The following PALS2 variants were observed in gnomAD, a reference collection of about 807,000 sequenced individuals.
PALS2 encodes the protein protein PALS2.
PALS2 carries 27 observed loss-of-function variants against 61.6 expected under a neutral mutation model. That is an observed-to-expected ratio of 0.44 (90% CI 0.32 to 0.60). The LOEUF (loss-of-function observed/expected upper bound fraction) is 0.60. Ranked by LOEUF, PALS2 falls within the 20% of genes least tolerant of loss-of-function variation. The probability of loss-of-function intolerance (pLI) is 0.05; values close to 1 mark genes in which losing one functional copy is unlikely to be tolerated. For missense variants in PALS2, 554 were observed against 639.4 expected (o/e 0.87, Z 1.44); for synonymous variants, 236 against 218.6 (o/e 1.08, Z -0.70).
intron 1 of PALS2, among the ~76,000 whole-genome samples, chr7:24,580,185 C>CT (rs1440749280): frequency 6.6e-6 from 1 of 152,048 alleles, no homozygotes; most frequent in Non-Finnish European, 1.5e-5. Flanking sequence ...AGGATAAATA[C>CT]TTTATATTTT....
chr7:24,586,834 A>G (rs1018611421), intron 1 of PALS2, among the ~76,000 whole-genome samples: 1 of 152,156 alleles, frequency 6.6e-6, no homozygotes, highest in Non-Finnish European at 1.5e-5. Flanking sequence ...GGCAGAGGGA[A>G]GGGAGAGTAA....
chr7:24,594,774 A>G (rs1008378902), intron 1 of PALS2, among the ~76,000 whole-genome samples: 4 of 152,118 alleles, frequency 2.6e-5, no homozygotes, highest in African/African-American at 9.7e-5. Context: ...ACCATACATT[A>G]TATGTATCGA....
intron 5 of PALS2, among the ~76,000 whole-genome samples, chr7:24,651,622 G>T (rs1433607948): frequency 6.6e-6 from 1 of 152,136 alleles, no homozygotes; most frequent in Non-Finnish European, 1.5e-5. Flanking sequence ...AAGAAATTGC[G>T]GAGGAAGAAT....
In PALS2 at chr7:24,687,248, T is replaced by G. The variant is rs1400449464; in HGVS notation, c.1447-190T>G. ...ATACTCATAAATGTAAACATGAGTGTTGTTGGAAAGAATAAGACATGAACA... is the reference window on the plus strand; with the variant it reads ...ATACTCATAAATGTAAACATGAGTGGTGTTGGAAAGAATAAGACATGAACA... On this transcript the variant is annotated intron_variant, in intron 11 of 11. Transcript: ENST00000222644. This position sits in a 1 kb window ranked among gnomAD's most constrained non-coding sequence, Gnocchi z 4.5. 5.3e-5 allele frequency among the ~76,000 whole-genome samples: 8 copies of G among 152,200 alleles called. No individual in the cohort carries two copies. The highest frequency in any genetic ancestry group is 1.2e-4 in the Non-Finnish European group (8 of 68,032).
chr7:24,651,745 A>G (rs577900078), intron 5 of PALS2, among the ~76,000 whole-genome samples: 1 of 152,350 alleles, frequency 6.6e-6, no homozygotes, highest in East Asian at 1.9e-4. Context: ...TGTTTGATGT[A>G]TGAATGAAAT....
Position 24,607,919 on chromosome 7 carries a change from GT to G in PALS2, c.-2-15743del, listed in dbSNP as rs2128050719. 1.3e-5 allele frequency among the ~76,000 whole-genome samples: 2 copies of G among 152,180 alleles called. 1 individual carries two copies. The highest frequency in any genetic ancestry group is 4.1e-4 in the South Asian group (2 of 4,820). ...TTGATGTATTCAATTTTGTCTGAAA[GT>G]TTTGTGTAAATTTGTCTAAAAGGCT... On this transcript the variant is annotated intron_variant, in intron 1 of 11. Coordinates refer to ENST00000222644, the MANE Select transcript of PALS2 (RefSeq NM_001303037.2).
rs115720317 is a variant in PALS2 at position 24,652,891 on chromosome 7, G to C, written c.651+2179G>C. 3.6e-3 allele frequency among the ~76,000 whole-genome samples: 541 copies of C among 152,290 alleles called. 6 individuals are homozygous for C. Among genetic ancestry groups the C allele is most frequent in the African/African-American group, 0.012 (514 of 41,562 alleles). On this transcript the variant is annotated intron_variant, in intron 5 of 11. Transcript: ENST00000222644. ...GTTTCAGGTGCTTGGTAAAAGTCCA[G>C]AATCTGCTATGGGACATAAGTATCT...
chr7:24,614,000 T>G (rs897073926), intron 1 of PALS2, among the ~76,000 whole-genome samples: 1 of 151,830 alleles, frequency 6.6e-6, no homozygotes, highest in African/African-American at 2.4e-5. Context: ...TTGGACACTT[T>G]GATTGATTCT....
intron 1 of PALS2, among the ~76,000 whole-genome samples, chr7:24,582,382 G>A (rs1782879139): frequency 6.6e-6 from 1 of 151,738 alleles, no homozygotes; most frequent in Admixed American, 6.6e-5. Flanking sequence ...GATATGGTGA[G>A]GGCTAATGTC....
chr7:24,643,416 AT>A (rs1785666394), intron 3 of PALS2, among the ~76,000 whole-genome samples: 1 of 152,160 alleles, frequency 6.6e-6, no homozygotes, highest in African/African-American at 2.4e-5. Context: ...ATATTCATCC[AT>A]ATTTTTCTAT....
intron 1 of PALS2, among the ~76,000 whole-genome samples, chr7:24,605,999 C>A (rs984067881): frequency 6.6e-6 from 1 of 152,090 alleles, no homozygotes; most frequent in African/African-American, 2.4e-5. Context: ...CAAAGATGAT[C>A]TCCTTATATA....
intron 1 of PALS2, chr7:24,589,392 G>A (rs917413439): frequency 3.3e-5 from 5 of 152,134 alleles, no homozygotes; most frequent in African/African-American, 1.2e-4. Flanking sequence ...CCTTTCTTGG[G>A]CTTTTTGTCA....
chr7:24,643,478 CTG>C (rs1289709308), intron 3 of PALS2, among the ~76,000 whole-genome samples: 4 of 152,066 alleles, frequency 2.6e-5, no homozygotes, highest in African/African-American at 9.7e-5. Flanking sequence ...TTTGCACAAA[CTG>C]TTTTAACTTA....
chr7:24,618,107 C>A lies in PALS2; in HGVS notation c.-2-5559C>A, dbSNP rs533585825. 1.8e-4 allele frequency among the ~76,000 whole-genome samples: 28 copies of A among 152,260 alleles called. 2 individuals are homozygous for A. In the South Asian group the frequency reaches 5.6e-3, roughly 30 times the overall value. On this transcript the variant is annotated intron_variant, in intron 1 of 11. Coordinates refer to ENST00000222644, the MANE Select transcript of PALS2 (RefSeq NM_001303037.2). This position sits in a 1 kb window ranked among gnomAD's most constrained non-coding sequence, Gnocchi z 5.1. The stretch of plus-strand genomic sequence containing the variant: ...CAAGGACATCTTCACCAGAGGCTAG[C>A]CTGCCAGGCTGTTTTTCAGGCTCAG...
At chr7:24,628,596 C>G (rs940304965) in intron 2 of PALS2, among the ~76,000 whole-genome samples, 4 of 152,144 alleles carry the variant, frequency 2.6e-5, no homozygotes, top group African/African-American at 7.2e-5. Context: ...TAGAAAACCC[C>G]ATTGTCTCAG....
rs1583946688 is a variant in PALS2 at position 24,650,417 on chromosome 7, T to G, written c.424-68T>G. ...CTAGTTTTAGAATTATTTTCTTACA[T>G]ATGCTCATGAATATTTAAGCATTTC... On this transcript the variant is annotated intron_variant, in intron 4 of 11. Transcript: ENST00000222644. 14 of 1,243,116 alleles carry G rather than the reference T, an allele frequency of 1.1e-5. No individual in the cohort carries two copies. In the East Asian group the frequency reaches 3.4e-4, roughly 30 times the overall value. The allele number at this position is 1,243,116 out of a possible 1,614,324, so 77.0% of individuals were successfully genotyped here.
At chr7:24,627,700 G>A (rs2529089) in intron 2 of PALS2, among the ~76,000 whole-genome samples, 76,975 of 151,998 alleles carry the variant, frequency 0.51, 23,185 homozygotes, top group African/African-American at 0.83. Flanking sequence ...CACTGATCCC[G>A]CAGAAATATA....
At chr7:24,594,257 G>A (rs1783416641) in intron 1 of PALS2, among the ~76,000 whole-genome samples, 1 of 152,048 alleles carries the variant, frequency 6.6e-6, no homozygotes, top group South Asian at 2.1e-4. Context: ...TTAGGCTTTG[G>A]TTTAAGAGAA....
Position 24,687,359 on chromosome 7 carries a change from T to C in PALS2, c.1447-79T>C. On this transcript the variant is annotated intron_variant, in intron 11 of 11. Coordinates refer to ENST00000222644, the MANE Select transcript of PALS2 (RefSeq NM_001303037.2). This position sits in a 1 kb window ranked among gnomAD's most constrained non-coding sequence, Gnocchi z 4.5. ...CCAGAAATATATCTAACCTATTTATTATATTCACTTCTAGTTGGAGTTTGA... is the reference window on the plus strand; with the variant it reads ...CCAGAAATATATCTAACCTATTTATCATATTCACTTCTAGTTGGAGTTTGA... 1 of 1,063,324 alleles carries C rather than the reference T, an allele frequency of 9.4e-7. No individual in the cohort carries two copies. The highest frequency in any genetic ancestry group is 1.4e-6 in the Non-Finnish European group (1 of 715,502). 65.9% of individuals were successfully genotyped at this position (1,063,324 alleles called of 1,614,324 possible).
Sources: gnomAD v4.1 joint callset for allele counts (sites outside exome capture counted in the v4.1 genomes callset) on GRCh38, gnomAD v4.1.1 for gene constraint, Gnocchi (gnomAD v3.1) non-coding constraint, MANE v1.5 for transcripts, NCBI Gene and HGNC (gene_info 2026-07-23, HGNC 2026-07-21) for gene names.